The following DNAJC21 variants were observed in gnomAD, a reference collection of about 807,000 sequenced individuals.
The protein encoded by DNAJC21 is dnaJ homolog subfamily C member 21.
In DNAJC21, 63 loss-of-function variants were observed where a neutral mutation model predicts 72.4. The observed-to-expected ratio is 0.87, with a 90% confidence interval of 0.71 to 1.07. DNAJC21 has a LOEUF of 1.07. Ranked by LOEUF, DNAJC21 falls within the 50% of genes least tolerant of loss-of-function variation. The pLI, the probability that DNAJC21 is intolerant of heterozygous loss-of-function variation, is 0.00. For missense variants in DNAJC21, 634 were observed against 644.8 expected, an observed-to-expected ratio of 0.98 and a Z score of 0.18; for synonymous variants, 203 against 216.7, an observed-to-expected ratio of 0.94 and a Z score of 0.56.
chr5:34,944,868 A>G lies in DNAJC21; in HGVS notation c.985A>G (p.Met329Val), dbSNP rs1765120052. ...GCTCACGTCAGATTGCTCTTTCAGC[A>G]TGAAGAATCACGAGAAGTCAAAGAA... ...CDKSFKTEKA[M>V]KNHEKSKKHR... The change falls in exon 8 of 12, where the codon ATG (methionine) becomes GTG (valine). Residue 329 changes from methionine to valine, a missense_variant and splice_region_variant. By Grantham distance (21) the Met-to-Val change is conservative. Coordinates refer to ENST00000648817, the MANE Select transcript of DNAJC21 (RefSeq NM_001012339.3). 1.2e-6 allele frequency: 2 copies of G among 1,614,140 alleles called. No homozygotes were observed. The highest frequency in any genetic ancestry group is 2.2e-5 in the East Asian group (1 of 44,886).
At chr5:34,950,375 C>A (rs1334928576) in intron 10 of DNAJC21, 33 bp downstream of exon 10, 1 of 1,594,812 alleles carries the variant, frequency 6.3e-7, no homozygotes, top group Non-Finnish European at 8.5e-7. Context: ...TTGTAAATTA[C>A]TGAATATTGA....
intron 1 of DNAJC21, among the ~76,000 whole-genome samples, chr5:34,932,632 T>C (rs538543361): frequency 6.6e-6 from 1 of 152,296 alleles, no homozygotes; most frequent in South Asian, 2.1e-4. Context: ...GCTAGGTGGT[T>C]TTGGCTTTCT....
At chr5:34,929,938 C>T (rs925369599) in intron 1 of DNAJC21, 22 bp downstream of exon 1, 12 of 1,540,208 alleles carry the variant, frequency 7.8e-6, no homozygotes, top group Non-Finnish European at 9.7e-6. Flanking sequence ...TCCCGCAGCC[C>T]CCGCGGCCAC....
intron 7 of DNAJC21, 124 bp from the exon 8 acceptor site, chr5:34,944,743 A>C: frequency 7.8e-7 from 1 of 1,283,388 alleles, no homozygotes; most frequent in South Asian, 1.3e-5. Flanking sequence ...AAATAAATAG[A>C]ATCAGAAACG....
chr5:34,954,074 A>C, intron 11 of DNAJC21, 73 bp downstream of exon 11: 1 of 1,393,430 alleles, frequency 7.2e-7, no homozygotes, highest in Non-Finnish European at 9.7e-7. Flanking sequence ...TAAAGATGGA[A>C]ATGTGTATTT....
chr5:34,933,512 G>C (rs1764667639), intron 1 of DNAJC21, among the ~76,000 whole-genome samples: 1 of 152,152 alleles, frequency 6.6e-6, no homozygotes, highest in East Asian at 1.9e-4. Flanking sequence ...CTGACCTCAA[G>C]TAATCCACCT....
intron 5 of DNAJC21, 41 bp downstream of exon 5, chr5:34,937,671 G>A (rs1764836253): frequency 1.3e-6 from 2 of 1,570,952 alleles, no homozygotes; most frequent in Non-Finnish European, 1.7e-6. Flanking sequence ...GTATCGGTGG[G>A]GGTCAGAGGC....
At chr5:34,939,119 A>G (rs1044965454) in intron 6 of DNAJC21, 110 bp downstream of exon 6, 7 of 1,056,102 alleles carry the variant, frequency 6.6e-6, no homozygotes, top group Non-Finnish European at 9.3e-6. Context: ...AATTAAAAAT[A>G]ATGTTGTATG....
rs1764765340 is a variant in DNAJC21, at chr5:34,936,152, C to G, written c.324C>G (p.Tyr108Ter). The part of the protein sequence containing the change: ...SGYGDDEKGF[Y>*]TVYRNVFEMI... ...TTGTTACTGTTTTTTAGGGATTTTA[C>G]ACGGTGTATCGTAATGTTTTTGAAA... Residue 108 changes from tyrosine to a stop codon, truncating the protein, a stop_gained, in exon 4 of 12, where the codon TAC (tyrosine) becomes TAG (stop). Transcript: ENST00000648817. LOFTEE classifies it high-confidence loss of function. 1 of 1,611,932 alleles carries G rather than the reference C, an allele frequency of 6.2e-7. No homozygotes were observed. Among genetic ancestry groups the G allele is most frequent in the Non-Finnish European group, 8.5e-7 (1 of 1,179,444 alleles).
intron 8 of DNAJC21, among the ~76,000 whole-genome samples, chr5:34,945,457 A>G (rs1241591943): frequency 6.6e-6 from 1 of 152,218 alleles, no homozygotes; most frequent in Non-Finnish European, 1.5e-5. Flanking sequence ...GGAACTTTAT[A>G]GTGTTGAAGT....
chr5:34,933,753 T>C, intron 1 of DNAJC21, 62 bp from the exon 2 acceptor site: 1 of 1,373,572 alleles, frequency 7.3e-7, no homozygotes, highest in Non-Finnish European at 1.0e-6. Flanking sequence ...TGATGGAAAA[T>C]GTCTTATTTA....
chr5:34,945,415 A>G (rs1180446779), intron 8 of DNAJC21, among the ~76,000 whole-genome samples: 1 of 152,214 alleles, frequency 6.6e-6, no homozygotes, highest in Non-Finnish European at 1.5e-5. Flanking sequence ...TATTCTAACT[A>G]GAAAAGATTG....
intron 4 of DNAJC21, 148 bp downstream of exon 4, chr5:34,936,414 G>T (rs986072648): frequency 5.3e-6 from 5 of 945,340 alleles, no homozygotes; most frequent in Non-Finnish European, 7.5e-6. Flanking sequence ...AAACTCCTGG[G>T]CTTAAGCAAT....
chr5:34,935,643 G>T, intron 2 of DNAJC21, 67 bp from the exon 3 acceptor site: 1 of 1,587,080 alleles, frequency 6.3e-7, no homozygotes, highest in South Asian at 1.1e-5. Flanking sequence ...TATTCAAAAG[G>T]AGCAAGAAAT....
At chr5:34,935,891 AC>A in intron 3 of DNAJC21, 58 bp downstream of exon 3, 1 of 1,602,026 alleles carries the variant, frequency 6.2e-7, no homozygotes, top group Non-Finnish European at 8.5e-7. Flanking sequence ...AGACTCACAT[AC>A]AAAGAGAATT....
rs888995063 is a variant in DNAJC21, at chr5:34,956,990, G to A, written c.*2276G>A. On this transcript the variant is annotated 3_prime_UTR_variant, in exon 12 of 12. Coordinates refer to ENST00000648817, the MANE Select transcript of DNAJC21 (RefSeq NM_001012339.3). ...CAAAAGCTTTATACAAAATATTGTTGAATTTAAATAAGGTAAATCTTTTTT... is the reference window on the plus strand; with the variant it reads ...CAAAAGCTTTATACAAAATATTGTTAAATTTAAATAAGGTAAATCTTTTTT... 4 of 152,052 alleles carry A rather than the reference G, an allele frequency of 2.6e-5. No individual in the cohort carries two copies. The highest frequency in any genetic ancestry group is 7.2e-5 in the African/African-American group (3 of 41,414). The allele number at this position is 152,052 out of a possible 1,614,324, so 9.4% of individuals were successfully genotyped here. A position where few individuals can be genotyped will look rare whatever the true frequency, so the allele number is the denominator to read the frequency against.
intron 8 of DNAJC21, 54 bp downstream of exon 8, chr5:34,945,079 A>G (rs1180891671): frequency 3.8e-6 from 6 of 1,582,894 alleles, no homozygotes; most frequent in Admixed American, 1.9e-5. Context: ...CAGAGATTGC[A>G]TTAAAAGGTT....
At chr5:34,935,896 G>A in intron 3 of DNAJC21, 63 bp downstream of exon 3, 1 of 1,598,370 alleles carries the variant, frequency 6.3e-7, no homozygotes, top group African/African-American at 1.3e-5. Flanking sequence ...CACATACAAA[G>A]AGAATTCTTA....
At chr5:34,943,168 T>G (rs1376846479) in intron 7 of DNAJC21, among the ~76,000 whole-genome samples, 1 of 152,254 alleles carries the variant, frequency 6.6e-6, no homozygotes, top group Non-Finnish European at 1.5e-5. Flanking sequence ...TTATCTAATT[T>G]ACTACCTGCA....
Sources: gnomAD v4.1 joint callset for allele counts (sites outside exome capture counted in the v4.1 genomes callset) on GRCh38, gnomAD v4.1.1 for gene constraint, MANE v1.5 for transcripts, NCBI Gene and HGNC (gene_info 2026-07-23, HGNC 2026-07-21) for gene names.